Variants in NOTCH4 observed in about 807,000 individuals in gnomAD.
The protein encoded by NOTCH4 is notch receptor 4.
Under a neutral mutation model 189.0 loss-of-function variants are expected in NOTCH4, and 138 were observed. The observed-to-expected ratio is 0.73, with a 90% CI of 0.64 to 0.84. The LOEUF (loss-of-function observed/expected upper bound fraction) is 0.84, where lower values mean the gene tolerates loss of function less well. NOTCH4 is among the 40% of genes least tolerant of loss of function. The probability of loss-of-function intolerance (pLI) is 0.00; values close to 1 mark genes in which losing one functional copy is unlikely to be tolerated. For synonymous variants in NOTCH4, 942 were observed against 1,032.8 expected, an observed-to-expected ratio of 0.91 and a Z score of 1.69; for missense variants, 2,286 against 2,605.4, an observed-to-expected ratio of 0.88 and a Z score of 2.67.
In NOTCH4 at chr6:32,214,398, G is replaced by A. The variant is rs115913273; in HGVS notation, c.2022-143C>T. 3.7e-4 allele frequency: 288 copies of A among 770,418 alleles called. No individual in the cohort carries two copies. The African/African-American group carries it at 4.9e-3, about 13-fold the overall frequency. 47.7% of individuals were successfully genotyped at this position (770,418 alleles called of 1,614,324 possible). On this transcript the variant is annotated intron_variant, in intron 12 of 29. Coordinates refer to ENST00000375023, the MANE Select transcript of NOTCH4 (RefSeq NM_004557.4). Reference sequence around the variant, plus strand: ...CTTCAGTGACTTTGCTCTCAGCACCGCCCCCATCCTCCCCAACACCTGCTC... The same window carrying A: ...CTTCAGTGACTTTGCTCTCAGCACCACCCCCATCCTCCCCAACACCTGCTC...
Position 32,195,508 on chromosome 6 carries a change from G to GTGA in NOTCH4, c.5938_5940dup (p.Ser1980dup). Reference sequence around the variant, plus strand: ...GCTGGGGGACCACAGTCAAGTTGAGGTGATCCCCGCTCCGGGGACGGAGTA... The same window carrying GTGA: ...GCTGGGGGACCACAGTCAAGTTGAGGTGATGATCCCCGCTCCGGGGACGGAGTA... On this transcript the variant is annotated inframe_insertion, in exon 30 of 30. Transcript: ENST00000375023. The surrounding 1 kb of genome is among the most constrained non-coding windows in gnomAD (Gnocchi z 5.4). 6.2e-7 allele frequency: 1 copy of GTGA among 1,613,012 alleles called. No homozygotes were observed.
Position 32,220,260 on chromosome 6 carries a change from A to G in NOTCH4, c.1184T>C (p.Met395Thr), listed in dbSNP as rs779873838. The G allele has an allele frequency of 1.1e-5, 17 of 1,613,400 alleles. No homozygotes were observed. The South Asian group carries it at 1.8e-4, about 17-fold the overall frequency. The change falls in exon 7 of 30, where the codon ATG becomes ACG. Residue 395 changes from methionine to threonine, a missense_variant. Around this residue, in one of 2 missense-constraint regions of NOTCH4, gnomAD observed 1,903 missense variants for 2,261.9 expected, o/e 0.84. Transcript: ENST00000375023. ...RTGLLCHLED[M>T]CLSQPCHGDA... The stretch of plus-strand genomic sequence containing the variant: ...CCCATGGCACGGCTGGCTCAGACAC[A>G]TGTCTTCCAAGTGGCACAGGAGTCC...
In NOTCH4 at chr6:32,201,886, A is replaced by G. The variant is rs1252839951; in HGVS notation, c.3755+190T>C. ...GCCCAAAGGCCACGCCCCACATTAAATACTGATGCCACCCCATTACCCTAG... is the reference window on the plus strand; with the variant it reads ...GCCCAAAGGCCACGCCCCACATTAAGTACTGATGCCACCCCATTACCCTAG... On this transcript the variant is annotated intron_variant, in intron 21 of 29. Transcript: ENST00000375023. This position sits in a 1 kb window ranked among gnomAD's most constrained non-coding sequence, Gnocchi z 5.5. The G allele has an allele frequency of 4.2e-6, 2 of 475,860 alleles. No individual in the cohort carries two copies. Among genetic ancestry groups the G allele is most frequent in the African/African-American group, 4.0e-5 (2 of 50,190 alleles). 29.5% of individuals were successfully genotyped at this position (475,860 alleles called of 1,614,324 possible).
In NOTCH4 at chr6:32,219,818, G is replaced by C. The variant is rs1222019681; in HGVS notation, c.1316-32C>G. The C allele has an allele frequency of 1.9e-6, 3 of 1,582,280 alleles. No homozygotes were observed. In the East Asian group the frequency reaches 6.8e-5, roughly 36 times the overall value. On this transcript the variant is annotated intron_variant, in intron 7 of 29. Transcript: ENST00000375023. ...GGAGAGAAGAGCTGGGAGTCCACAG[G>C]GGTCAGGGCAGGAAGGGCAAGGAGG... is the stretch of plus-strand genomic sequence containing the variant.
chr6:32,195,535 G>C lies in NOTCH4; in HGVS notation c.5914C>G (p.Leu1972Val), dbSNP rs1787815119. The change falls in exon 30 of 30, where the codon CTT becomes GTT. Residue 1972 changes from leucine (L) to valine (V), a missense_variant. Leu to Val is a conservative substitution (Grantham distance 32). This residue lies in a region of NOTCH4 where 383 missense variants were observed against 343.5 expected (regional missense o/e 1.11). Coordinates refer to ENST00000375023, the MANE Select transcript of NOTCH4 (RefSeq NM_004557.4). The surrounding 1 kb of genome is among the most constrained non-coding windows in gnomAD (Gnocchi z 5.4). Reference sequence around the variant, plus strand: ...GATCCCCGCTCCGGGGACGGAGTAAGGCAAGGAGGCGGGATCGGAATGTTG... The same window carrying C: ...GATCCCCGCTCCGGGGACGGAGTAACGCAAGGAGGCGGGATCGGAATGTTG... ...ASNIPIPPPCLTPSPERGSPQ... is the reference protein window; with the variant it reads ...ASNIPIPPPCVTPSPERGSPQ... 1 of 1,613,014 alleles carries C rather than the reference G, an allele frequency of 6.2e-7. No individual in the cohort carries two copies. The highest frequency in any genetic ancestry group is 8.5e-7 in the Non-Finnish European group (1 of 1,180,050).
intron 12 of NOTCH4, 106 bp downstream of exon 12, chr6:32,215,120 C>T: frequency 9.3e-7 from 1 of 1,073,846 alleles, no homozygotes; most frequent in Non-Finnish European, 1.3e-6. Flanking sequence ...TTCCTTTTCC[C>T]CATTGGTCAT....
In NOTCH4 at chr6:32,223,055, A is replaced by G; in HGVS notation, c.105T>C (p.Cys35=). 1 of 1,613,080 alleles carries G rather than the reference A, an allele frequency of 6.2e-7. No homozygotes were observed. The highest frequency in any genetic ancestry group is 8.5e-7 in the Non-Finnish European group (1 of 1,179,786). Residue 35 remains cysteine (C), a synonymous_variant, in exon 2 of 30, where the codon TGT becomes TGC. Coordinates refer to ENST00000375023, the MANE Select transcript of NOTCH4 (RefSeq NM_004557.4). ...GGCTCAGGCAGGTGCCTCCATTGGCACAGGGTTCTGGGAAACTCCCACACA... is the reference window on the plus strand; with the variant it reads ...GGCTCAGGCAGGTGCCTCCATTGGCGCAGGGTTCTGGGAAACTCCCACACA... The part of the protein sequence containing the change: ...GLLCGSFPEP[C]ANGGTCLSLS...
chr6:32,196,340 T>G lies in NOTCH4; in HGVS notation c.5282A>C (p.Asp1761Ala), dbSNP rs1279914203. ...CCATCTAACCCTGTTGTCCTGGGCA[T>G]CTTTATCGGCTCCGGCCTGGAGAAG... is the stretch of plus-strand genomic sequence containing the variant. ...RSLLQAGADK[D>A]AQDNREQTPL... Residue 1761 changes from aspartate to alanine, a missense_variant, in exon 29 of 30, where the codon GAT becomes GCT. Coordinates refer to ENST00000375023, the MANE Select transcript of NOTCH4 (RefSeq NM_004557.4). 2 of 1,613,142 alleles carry G rather than the reference T, an allele frequency of 1.2e-6. No individual in the cohort carries two copies. Among genetic ancestry groups the G allele is most frequent in the Non-Finnish European group, 1.7e-6 (2 of 1,180,040 alleles).
Position 32,198,309 on chromosome 6 carries a change from A to G in NOTCH4, c.4756+112T>C. 2.7e-6 allele frequency: 3 copies of G among 1,131,912 alleles called. No individual in the cohort carries two copies. Among genetic ancestry groups the G allele is most frequent in the Non-Finnish European group, 3.7e-6 (3 of 800,220 alleles). 70.1% of individuals were successfully genotyped at this position (1,131,912 alleles called of 1,614,324 possible). ...ACCACACTTTGAGAATCATTGTTCT[A>G]AGGCACTCAGTCTAAAATTATTTCC... On this transcript the variant is annotated intron_variant, in intron 26 of 29. Coordinates refer to ENST00000375023, the MANE Select transcript of NOTCH4 (RefSeq NM_004557.4). The surrounding 1 kb of genome is among the most constrained non-coding windows in gnomAD (Gnocchi z 5.5).
At chr6:32,209,469 T>C (rs1191815960) in intron 18 of NOTCH4, among the ~76,000 whole-genome samples, 1 of 152,220 alleles carries the variant, frequency 6.6e-6, no homozygotes, top group Non-Finnish European at 1.5e-5. Flanking sequence ...TAACAATTTG[T>C]ATTTCAAAAT....
In NOTCH4 at chr6:32,201,349, G is replaced by A. The variant is rs77363313; in HGVS notation, c.3907C>T (p.Leu1303=). Residue 1303 remains leucine, a synonymous_variant, in exon 22 of 30, where the codon CTG becomes TTG. Transcript: ENST00000375023. The surrounding 1 kb of genome is among the most constrained non-coding windows in gnomAD (Gnocchi z 5.5). ...WGPSLALLVV[L]SPPALDQQLF... ...TGCTGGTCTAGGGCTGGGGGGCTCA[G>A]TACCACCAGCAGGGCCAGGGAGGGC... is the stretch of plus-strand genomic sequence containing the variant. 4.5e-4 allele frequency: 720 copies of A among 1,609,026 alleles called. 3 individuals carry two copies. In the African/African-American group the frequency reaches 8.0e-3, roughly 18 times the overall value.
chr6:32,217,173 A>G lies in NOTCH4; in HGVS notation c.1718T>C (p.Phe573Ser). Residue 573 changes from phenylalanine (F) to serine (S), a missense_variant, in exon 10 of 30, where the codon TTC (phenylalanine) becomes TCC (serine). Physicochemically the swap from Phe to Ser is radical, Grantham distance 155. This residue lies in a region of NOTCH4 where 1,903 missense variants were observed against 2,261.9 expected (regional missense o/e 0.84). Coordinates refer to ENST00000375023, the MANE Select transcript of NOTCH4 (RefSeq NM_004557.4). This position sits in a 1 kb window ranked among gnomAD's most constrained non-coding sequence, Gnocchi z 4.2. ...GGQCQDQPGA[F>S]HCKCLPGFEG... is the part of the protein sequence containing the mutation. ...TTTACCTGGGAGACACTTGCAGTGG[A>G]AGGCTCCAGGCTGGTCCTGGCACTG... The G allele has an allele frequency of 6.2e-7, 1 of 1,612,946 alleles. No homozygotes were observed. The highest frequency in any genetic ancestry group is 8.5e-7 in the Non-Finnish European group (1 of 1,179,910).
chr6:32,195,811 G>GAGCCTGC lies in NOTCH4; in HGVS notation c.5631_5637dup (p.Arg1880AlafsTer38), dbSNP rs1463161822. ...GCAGCCAAGTCTACGGACCAAGTCC[G>GAGCCTGC]AGCCTGCAGACAAGCTCCGCCCCCA... On this transcript the variant is annotated frameshift_variant, in exon 30 of 30. Transcript: ENST00000375023. LOFTEE classifies it low-confidence loss of function (END_TRUNC). The surrounding 1 kb of genome is among the most constrained non-coding windows in gnomAD (Gnocchi z 5.4). 1 of 1,601,716 alleles carries GAGCCTGC rather than the reference G, an allele frequency of 6.2e-7. No individual in the cohort carries two copies. The highest frequency in any genetic ancestry group is 8.5e-7 in the Non-Finnish European group (1 of 1,179,160).
Position 32,195,210 on chromosome 6 carries a change from TGGA to T in NOTCH4, c.*224_*226del. The T allele has an allele frequency of 1.8e-6, 1 of 548,602 alleles. No individual in the cohort carries two copies. Among genetic ancestry groups the T allele is most frequent in the East Asian group, 3.0e-5 (1 of 32,952 alleles). The allele number at this position is 548,602 out of a possible 1,614,324, so 34.0% of individuals were successfully genotyped here. A position where few individuals can be genotyped will look rare whatever the true frequency, so the allele number is the denominator to read the frequency against. On this transcript the variant is annotated 3_prime_UTR_variant, in exon 30 of 30. Transcript: ENST00000375023. The surrounding 1 kb of genome is among the most constrained non-coding windows in gnomAD (Gnocchi z 5.4). ...CCCTCCTGTGGCCTGTCTTATTTTCTGGAGGAGGACTGGGCCTGCCTCATCCTA... is the reference window on the plus strand; with the variant it reads ...CCCTCCTGTGGCCTGTCTTATTTTCTGGAGGACTGGGCCTGCCTCATCCTA...
At position 32,198,279 on chromosome 6, in the gene NOTCH4, T is replaced by C; in HGVS notation, c.4756+142A>G. 2.2e-6 allele frequency: 2 copies of C among 897,524 alleles called. No homozygotes were observed. The highest frequency in any genetic ancestry group is 3.7e-5 in the South Asian group (2 of 53,966). The allele number at this position is 897,524 out of a possible 1,614,324, so 55.6% of individuals were successfully genotyped here. A position where few individuals can be genotyped will look rare whatever the true frequency, so the allele number is the denominator to read the frequency against. ...CCCAGGTGATGCTGATTTTGCTGTC[T>C]GAGGACCACACTTTGAGAATCATTG... On this transcript the variant is annotated intron_variant, in intron 26 of 29. Coordinates refer to ENST00000375023, the MANE Select transcript of NOTCH4 (RefSeq NM_004557.4). The surrounding 1 kb of genome is among the most constrained non-coding windows in gnomAD (Gnocchi z 5.5).
chr6:32,196,268 C>T, intron 29 of NOTCH4, 56 bp downstream of exon 29: 1 of 1,612,994 alleles, frequency 6.2e-7, no homozygotes. Context: ...GGTTACCGCA[C>T]TTTCCATCTC....
chr6:32,220,960 G>T lies in NOTCH4; in HGVS notation c.799+18C>A. On this transcript the variant is annotated intron_variant, in intron 4 of 29. Transcript: ENST00000375023. ...GCCCAGAGAGAGGGGCGGCCGGAGAGCCCCTGTGAGGACACACCTGGGGGA... is the reference window on the plus strand; with the variant it reads ...GCCCAGAGAGAGGGGCGGCCGGAGATCCCCTGTGAGGACACACCTGGGGGA... The T allele has an allele frequency of 6.3e-7, 1 of 1,594,518 alleles. No individual in the cohort carries two copies. The highest frequency in any genetic ancestry group is 1.3e-5 in the African/African-American group (1 of 74,588).
chr6:32,209,449 T>G (rs1788880521), intron 18 of NOTCH4, among the ~76,000 whole-genome samples: 1 of 152,196 alleles, frequency 6.6e-6, no homozygotes. Context: ...CAGAGAAGGA[T>G]GGTGATAGTT....
chr6:32,203,727 C>T (rs1446324890), intron 20 of NOTCH4, 43 bp downstream of exon 20: 1 of 1,436,792 alleles, frequency 7.0e-7, no homozygotes, highest in African/African-American at 1.4e-5. Context: ...CTTGCCTTGT[C>T]AGCATAGGGG....
Sources: gnomAD v4.1 joint callset for allele counts (sites outside exome capture counted in the v4.1 genomes callset) on GRCh38, gnomAD v4.1.1 for gene constraint, gnomAD v4.1.1 regional missense constraint, Gnocchi (gnomAD v3.1) non-coding constraint, MANE v1.5 for transcripts, NCBI Gene and HGNC (gene_info 2026-07-23, HGNC 2026-07-21) for gene names.